The following TAF1 variants were observed in gnomAD, a reference collection of about 807,000 sequenced individuals.
The protein encoded by TAF1 is TATA-box binding protein associated factor 1.
In TAF1, 2 loss-of-function variants were observed where a neutral mutation model predicts 138.5. The observed-to-expected ratio is 0.01, with a 90% CI of 0.01 to 0.05. The LOEUF (loss-of-function observed/expected upper bound fraction) is 0.05, where lower values mean the gene tolerates loss of function less well. Ranked by LOEUF, TAF1 falls within the 10% of genes least tolerant of loss-of-function variation. The probability of loss-of-function intolerance (pLI) is 1.00; values close to 1 mark genes in which losing one functional copy is unlikely to be tolerated. For synonymous variants in TAF1, 437 were observed against 503.2 expected (o/e 0.87, Z 1.76); for missense variants, 709 against 1,478.0 (o/e 0.48, Z 8.53).
chrX:71,398,850 A>T, intron 24 of TAF1, 113 bp downstream of exon 24: 3 of 1,039,986 alleles, frequency 2.9e-6, no homozygotes, highest in Non-Finnish European at 3.8e-6. Context: ...TATTGTGGAA[A>T]GCTGGTTTGA....
chrX:71,382,909 G>A, intron 11 of TAF1, 41 bp downstream of exon 11: 1 of 1,191,993 alleles, frequency 8.4e-7, no homozygotes, highest in Non-Finnish European at 1.1e-6. Context: ...AGAACCCCAT[G>A]GCTTTGTTCT....
chrX:71,431,914 CAAAAAA>C (rs762790780), intron 32 of TAF1, among the ~76,000 whole-genome samples: 1 of 36,906 alleles, frequency 2.7e-5, no homozygotes. Flanking sequence ...GACTCCGTCT[CAAAAAA>C]AAAAAAAAAA....
intron 13 of TAF1, among the ~76,000 whole-genome samples, chrX:71,507,214 C>G (rs1569410779): frequency 9.0e-6 from 1 of 111,544 alleles, no homozygotes; most frequent in East Asian, 2.8e-4. Flanking sequence ...AATGGTTAAT[C>G]TTATGTTTTA....
At chrX:71,463,384 G>A (rs908034065) in intron 37 of TAF1, among the ~76,000 whole-genome samples, 5 of 110,620 alleles carry the variant, frequency 4.5e-5, no homozygotes, top group South Asian at 7.8e-4. Flanking sequence ...CAAGACTGGC[G>A]GCATGACGAC....
intron 13 of TAF1, among the ~76,000 whole-genome samples, chrX:71,483,768 C>CTA (rs1456164128): frequency 4.3e-4 from 33 of 77,497 alleles, no homozygotes; most frequent in African/African-American, 1.1e-3. Context: ...CTCTCTCTCT[C>CTA]TCTCTCTCTC....
At chrX:71,401,498 C>T in intron 24 of TAF1, 30 bp from the exon 25 acceptor site, 1 of 1,207,762 alleles carries the variant, frequency 8.3e-7, no homozygotes, top group South Asian at 1.8e-5. Context: ...CTACTTACCT[C>T]TGACGTGTTT....
intron 33 of TAF1, 79 bp downstream of exon 33, chrX:71,454,316 G>T (rs2038186034): frequency 1.2e-6 from 1 of 864,513 alleles, no homozygotes. Context: ...TTAAAAATTA[G>T]TGGGGTCTGG....
chrX:71,460,680 G>A lies in TAF1; in HGVS notation c.5276G>A (p.Arg1759Lys). 8.3e-7 allele frequency: 1 copy of A among 1,211,469 alleles called. No homozygotes were observed. The highest frequency in any genetic ancestry group is 1.8e-5 in the South Asian group (1 of 56,814). Residue 1759 changes from arginine to lysine, a missense_variant, in exon 37 of 38, where the codon AGA becomes AAA. Arg to Lys is a conservative substitution (Grantham distance 26, BLOSUM62 2). Coordinates refer to ENST00000423759, the MANE Select transcript of TAF1 (RefSeq NM_004606.5). ...SDSDVGSGGI[R>K]PKQPRMLQEN... ...TCTGATGTGGGATCTGGTGGAATAAGACCCAAACAACCCCGCATGCTTCAG... is the reference window on the plus strand; with the variant it reads ...TCTGATGTGGGATCTGGTGGAATAAAACCCAAACAACCCCGCATGCTTCAG...
At chrX:71,416,345 C>T (rs940040266) in intron 28 of TAF1, among the ~76,000 whole-genome samples, 1 of 100,071 alleles carries the variant, frequency 1.0e-5, no homozygotes, top group African/African-American at 3.6e-5. Flanking sequence ...ATGATCACAC[C>T]ATTGGACTCC....
intron 32 of TAF1, among the ~76,000 whole-genome samples, chrX:71,426,526 A>G (rs2036597731): frequency 1.8e-5 from 2 of 111,140 alleles, no homozygotes; most frequent in Non-Finnish European, 1.9e-5. Context: ...GACCAGGCTG[A>G]CCAACATGGA....
intron 25 of TAF1, among the ~76,000 whole-genome samples, chrX:71,403,261 T>C (rs1370592419): frequency 1.8e-5 from 2 of 111,420 alleles, no homozygotes; most frequent in African/African-American, 3.3e-5. Flanking sequence ...TCTCCTGGGC[T>C]CAAGCAGTCC....
intron 3 of TAF1, among the ~76,000 whole-genome samples, chrX:71,369,757 C>G: frequency 9.2e-6 from 1 of 108,912 alleles, no homozygotes; most frequent in African/African-American, 3.3e-5. Context: ...AGGCGCCCAC[C>G]ACCACGCCTG....
intron 6 of TAF1, 143 bp from the exon 7 acceptor site, chrX:71,378,092 T>C (rs751234495): frequency 1.6e-6 from 1 of 641,327 alleles, no homozygotes; most frequent in Non-Finnish European, 2.4e-6. Flanking sequence ...TGTGCTATGA[T>C]ACATCTCCAT....
intron 3 of TAF1, among the ~76,000 whole-genome samples, chrX:71,370,461 CT>C (rs2032966307): frequency 9.0e-6 from 1 of 111,338 alleles, no homozygotes; most frequent in African/African-American, 3.3e-5. Context: ...ATTCTTCCAC[CT>C]CAGCCTCCCC....
intron 13 of TAF1, among the ~76,000 whole-genome samples, chrX:71,475,848 A>G (rs2147498758): frequency 9.0e-6 from 1 of 111,119 alleles, no homozygotes; most frequent in East Asian, 2.8e-4. Context: ...TCATGGGGGC[A>G]GATCCCTCAT....
intron 28 of TAF1, among the ~76,000 whole-genome samples, chrX:71,420,881 G>A (rs1030495081): frequency 2.7e-4 from 30 of 111,936 alleles, no homozygotes; most frequent in African/African-American, 8.1e-4. Flanking sequence ...TACGCCCCCC[G>A]GGGCCCCCTC....
chrX:71,480,432 A>C (rs1212698007), intron 13 of TAF1, among the ~76,000 whole-genome samples: 1 of 111,871 alleles, frequency 8.9e-6, no homozygotes, highest in East Asian at 2.8e-4. Flanking sequence ...GATTCATTCA[A>C]CAAACATTTA....
intron 28 of TAF1, among the ~76,000 whole-genome samples, chrX:71,418,190 C>CCGAAGCAATCCTCCTGTGT (rs1232806399): frequency 8.9e-6 from 1 of 111,886 alleles, no homozygotes; most frequent in Non-Finnish European, 1.9e-5. Context: ...ACCTCCTGGG[C>CCGAAGCAATCCTCCTGTGT]CGAAGCAATC....
intron 28 of TAF1, among the ~76,000 whole-genome samples, chrX:71,413,087 A>T (rs747927604): frequency 2.7e-5 from 3 of 111,290 alleles, no homozygotes; most frequent in Non-Finnish European, 5.6e-5. Context: ...CGGATTAGGG[A>T]TGTTCACATA....
Sources: gnomAD v4.1 joint callset for allele counts (sites outside exome capture counted in the v4.1 genomes callset) on GRCh38, gnomAD v4.1.1 for gene constraint, MANE v1.5 for transcripts, NCBI Gene and HGNC (gene_info 2026-07-23, HGNC 2026-07-21) for gene names.